Variants in CRADD observed in about 807,000 individuals in gnomAD.
The protein encoded by CRADD is death domain-containing protein CRADD.
CRADD carries 9 observed loss-of-function variants against 15.5 expected under a neutral mutation model. That is an observed-to-expected ratio of 0.58 (90% confidence interval 0.35 to 1.01). The LOEUF (loss-of-function observed/expected upper bound fraction) is 1.01. CRADD is among the 50% of genes least tolerant of loss of function. The probability of loss-of-function intolerance (pLI) is 0.02; values close to 1 mark genes in which losing one functional copy is unlikely to be tolerated. For missense variants in CRADD, 227 were observed against 250.3 expected (o/e 0.91, Z 0.63); for synonymous variants, 118 against 107.6 (o/e 1.10, Z -0.60).
At chr12:93,715,465 A>G (rs1056566522) in intron 2 of CRADD, among the ~76,000 whole-genome samples, 28 of 152,288 alleles carry the variant, frequency 1.8e-4, no homozygotes, top group Non-Finnish European at 1.3e-4. Flanking sequence ...GGCCTCTACC[A>G]TAGAGGAGGG....
chr12:93,823,023 G>A (rs1332410699), intron 2 of CRADD, among the ~76,000 whole-genome samples: 4 of 152,206 alleles, frequency 2.6e-5, no homozygotes, highest in African/African-American at 7.2e-5. Context: ...GGCCGGGCAC[G>A]GTGGCTCATG....
intron 2 of CRADD, among the ~76,000 whole-genome samples, chr12:93,878,429 C>T (rs933709096): frequency 1.3e-5 from 2 of 152,132 alleles, no homozygotes; most frequent in African/African-American, 4.8e-5. Context: ...TCTTTTGGAG[C>T]CATGAGCTGT....
intron 2 of CRADD, among the ~76,000 whole-genome samples, chr12:93,886,832 A>G (rs1428283681): frequency 6.6e-6 from 1 of 152,164 alleles, no homozygotes; most frequent in East Asian, 1.9e-4. Flanking sequence ...AATCATTTCA[A>G]TCTGCGGAGG....
At chr12:93,738,901 T>C (rs907870083) in intron 2 of CRADD, among the ~76,000 whole-genome samples, 1 of 152,128 alleles carries the variant, frequency 6.6e-6, no homozygotes, top group African/African-American at 2.4e-5. Flanking sequence ...AAAGTCCTCT[T>C]GTTGGTGTTA....
At chr12:93,785,088 C>T (rs971075709) in intron 2 of CRADD, among the ~76,000 whole-genome samples, 6 of 148,732 alleles carry the variant, frequency 4.0e-5, no homozygotes, top group African/African-American at 1.2e-4. Context: ...TTGTGTTTTG[C>T]TTTTTTTTTT....
At chr12:93,783,486 G>A (rs948225837) in intron 2 of CRADD, among the ~76,000 whole-genome samples, 3 of 151,976 alleles carry the variant, frequency 2.0e-5, no homozygotes, top group African/African-American at 7.2e-5. Context: ...ATCAAGTGGA[G>A]TAGCATTTGT....
chr12:93,832,779 T>C (rs1957923549), intron 2 of CRADD, among the ~76,000 whole-genome samples: 1 of 152,222 alleles, frequency 6.6e-6, no homozygotes, highest in Non-Finnish European at 1.5e-5. Context: ...GGGGGAAGAC[T>C]GAAGAATGCA....
intron 2 of CRADD, among the ~76,000 whole-genome samples, chr12:93,748,411 T>TC (rs1592957452): frequency 1.9e-5 from 1 of 53,072 alleles, no homozygotes; most frequent in East Asian, 5.2e-3. Context: ...GTTCAGGCGA[T>TC]TCCCCCCTGC....
intron 2 of CRADD, among the ~76,000 whole-genome samples, chr12:93,682,417 G>A (rs1955332696): frequency 6.6e-6 from 1 of 152,138 alleles, no homozygotes; most frequent in African/African-American, 2.4e-5. Context: ...AGTCTCTTGG[G>A]AGGCCTTGAG....
At chr12:93,747,461 T>G (rs1426832804) in intron 2 of CRADD, among the ~76,000 whole-genome samples, 1 of 151,540 alleles carries the variant, frequency 6.6e-6, no homozygotes, top group Non-Finnish European at 1.5e-5. Flanking sequence ...TTAATTTTTC[T>G]TCTTCTTTTT....
chr12:93,815,407 C>A (rs1198603444), intron 2 of CRADD: 2 of 152,158 alleles, frequency 1.3e-5, no homozygotes, highest in Admixed American at 6.5e-5. Context: ...TCTACAGGTA[C>A]AAGAATCTGA....
chr12:93,700,141 C>A (rs1955809960), intron 2 of CRADD, among the ~76,000 whole-genome samples: 1 of 152,202 alleles, frequency 6.6e-6, no homozygotes, highest in African/African-American at 2.4e-5. Context: ...TTAAACCCAG[C>A]ATGTTGCAGA....
chr12:93,836,358 CT>C (rs1957972992), intron 2 of CRADD, among the ~76,000 whole-genome samples: 1 of 152,064 alleles, frequency 6.6e-6, no homozygotes, highest in East Asian at 1.9e-4. Flanking sequence ...ATTTTATTAC[CT>C]TTTCTTCATT....
chr12:93,804,397 C>T (rs928895766), intron 2 of CRADD, among the ~76,000 whole-genome samples: 2 of 152,114 alleles, frequency 1.3e-5, no homozygotes, highest in African/African-American at 2.4e-5. Context: ...AATTGTATAA[C>T]CAGGTATATA....
At chr12:93,876,803 A>G (rs986552243) in intron 2 of CRADD, among the ~76,000 whole-genome samples, 9 of 151,640 alleles carry the variant, frequency 5.9e-5, no homozygotes, top group Non-Finnish European at 1.0e-4. Flanking sequence ...ACATATCTCC[A>G]TTTTTCCAGG....
intron 2 of CRADD, among the ~76,000 whole-genome samples, chr12:93,758,013 G>C (rs1327085964): frequency 2.0e-5 from 3 of 152,220 alleles, no homozygotes; most frequent in Non-Finnish European, 2.9e-5. Context: ...CCCTGTGTCA[G>C]ATATTTTGGT....
chr12:93,811,052 C>G (rs566888944), intron 2 of CRADD, among the ~76,000 whole-genome samples: 2 of 26,370 alleles, frequency 7.6e-5, no homozygotes, highest in South Asian at 4.7e-4. Flanking sequence ...TTCCCTTAGC[C>G]CCCCCTCCTG....
At chr12:93,746,782 A>AT (rs34041721) in intron 2 of CRADD, among the ~76,000 whole-genome samples, 8,980 of 144,240 alleles carry the variant, frequency 0.062, 537 homozygotes, top group East Asian at 0.2. Flanking sequence ...CTGAATTTGG[A>AT]TTTTTTTTTT....
chr12:93,781,826 A>G (rs535836511), intron 2 of CRADD, among the ~76,000 whole-genome samples: 1 of 152,360 alleles, frequency 6.6e-6, no homozygotes, highest in East Asian at 1.9e-4. Context: ...GTTCTACAAA[A>G]CAAATGACCC....
Sources: gnomAD v4.1 joint callset for allele counts (sites outside exome capture counted in the v4.1 genomes callset) on GRCh38, gnomAD v4.1.1 for gene constraint, MANE v1.5 for transcripts, NCBI Gene and HGNC (gene_info 2026-07-23, HGNC 2026-07-21) for gene names.